ANO4: variants seen among roughly 807,000 people sequenced by gnomAD.
The protein encoded by ANO4 is anoctamin-4.
Under a neutral mutation model 141.9 loss-of-function variants are expected in ANO4, and 69 were observed. That is an observed-to-expected ratio of 0.49 (90% CI 0.40 to 0.59). ANO4 has a LOEUF of 0.59. ANO4 is among the 20% of genes least tolerant of loss of function. The probability of loss-of-function intolerance (pLI) is 0.00; values close to 1 mark genes in which losing one functional copy is unlikely to be tolerated. For missense variants in ANO4, 894 were observed against 1,162.2 expected (o/e 0.77, Z 3.36); for synonymous variants, 350 against 394.3 (o/e 0.89, Z 1.33).
chr12:100,801,254 T>C (rs928670042), intron 1 of ANO4, among the ~76,000 whole-genome samples: 7 of 152,186 alleles, frequency 4.6e-5, no homozygotes, highest in Admixed American at 4.6e-4. Flanking sequence ...ATCTAAAACC[T>C]ATGGTGCTGT....
At position 101,086,726 on chromosome 12, in the gene ANO4, G is replaced by A. The variant is rs150353677; in HGVS notation, c.1603G>A (p.Ala535Thr). ...IYRVVTVSTF[A>T]AFKWALIRNN... Reference sequence around the variant, plus strand: ...CCGGGTGGTGACTGTCAGCACTTTCGCTGCCTTTAAGTGGGCGTTAATCAG... The same window carrying A: ...CCGGGTGGTGACTGTCAGCACTTTCACTGCCTTTAAGTGGGCGTTAATCAG... Residue 535 changes from alanine (A) to threonine (T), a missense_variant, in exon 17 of 28, where the codon GCT becomes ACT. Coordinates refer to ENST00000392977, the MANE Select transcript of ANO4 (RefSeq NM_001286615.2). The A allele has an allele frequency of 2.6e-4, 424 of 1,613,806 alleles. 1 individual carries two copies. The highest frequency in any genetic ancestry group is 3.2e-4 in the Non-Finnish European group (377 of 1,179,804).
chr12:101,008,209 TTAAAA>T (rs1397204722), intron 8 of ANO4, among the ~76,000 whole-genome samples: 5 of 152,288 alleles, frequency 3.3e-5, no homozygotes, highest in Admixed American at 2.0e-4. Context: ...ATAAATTAAA[TTAAAA>T]TTAGACATGT....
intron 5 of ANO4, among the ~76,000 whole-genome samples, chr12:100,951,351 A>G (rs1444650803): frequency 6.6e-6 from 1 of 152,214 alleles, no homozygotes; most frequent in East Asian, 1.9e-4. Context: ...CCAAAGGAAT[A>G]TAAGTCATTC....
chr12:101,110,556 G>A lies in ANO4; in HGVS notation c.2302G>A (p.Gly768Arg). 1 of 1,564,930 alleles carries A rather than the reference G, an allele frequency of 6.4e-7. No individual in the cohort carries two copies. The highest frequency in any genetic ancestry group is 8.6e-7 in the Non-Finnish European group (1 of 1,158,356). ...TTTAGCTTCAAGGGCCAAAGACATA[G>A]GTAAGTTGGATTTGGGTATGTTTTT... The part of the protein sequence containing the change: ...RPLASRAKDI[G>R]IWYGILEGIG... The change falls in exon 23 of 28, where the codon GGA (glycine) becomes AGA (arginine). Residue 768 changes from glycine (G) to arginine (R), a missense_variant and splice_region_variant. By Grantham distance (125) the Gly-to-Arg change is moderately radical. Transcript: ENST00000392977.
At chr12:100,842,735 A>C (rs1244397759) in intron 1 of ANO4, among the ~76,000 whole-genome samples, 1 of 151,992 alleles carries the variant, frequency 6.6e-6, no homozygotes, top group Non-Finnish European at 1.5e-5. Context: ...TTTTGTCCTT[A>C]CATGGTAGAA....
intron 1 of ANO4, among the ~76,000 whole-genome samples, chr12:100,836,479 T>C (rs1430281893): frequency 1.3e-5 from 2 of 150,776 alleles, no homozygotes; most frequent in Non-Finnish European, 3.0e-5. Context: ...CTCCTAATGC[T>C]ATCCCTCCCC....
chr12:100,983,960 G>C (rs2044596399), intron 7 of ANO4, among the ~76,000 whole-genome samples: 2 of 152,190 alleles, frequency 1.3e-5, no homozygotes, highest in Admixed American at 6.5e-5. Context: ...TTTAGTCGTA[G>C]TGAAGTGCAC....
intron 3 of ANO4, among the ~76,000 whole-genome samples, chr12:100,775,304 A>G (rs2033462376): frequency 6.6e-6 from 1 of 152,242 alleles, no homozygotes; most frequent in Non-Finnish European, 1.5e-5. Context: ...AATGACATAT[A>G]GAGCATAGAC....
At chr12:101,046,813 T>C (rs1383810170) in intron 13 of ANO4, among the ~76,000 whole-genome samples, 2 of 152,368 alleles carry the variant, frequency 1.3e-5, no homozygotes, top group Non-Finnish European at 2.9e-5. Flanking sequence ...TTGAGCCATG[T>C]GTCCCTTGGG....
chr12:100,798,522 G>T (rs1047096310), intron 1 of ANO4, among the ~76,000 whole-genome samples: 4 of 152,116 alleles, frequency 2.6e-5, no homozygotes, highest in Non-Finnish European at 5.9e-5. Context: ...CTGTATTTTT[G>T]ATCTGTGCCT....
Position 101,037,081 on chromosome 12 carries a change from A to T in ANO4, c.842-14A>T, listed in dbSNP as rs2047228469. ...ACTCTGTATTAATTCAAATGGACTTATTTGCTGTTTTAGGTCTGAATCGTT... is the reference window on the plus strand; with the variant it reads ...ACTCTGTATTAATTCAAATGGACTTTTTTGCTGTTTTAGGTCTGAATCGTT... On this transcript the variant is annotated splice_polypyrimidine_tract_variant and intron_variant, in intron 9 of 27. Transcript: ENST00000392977. The T allele has an allele frequency of 1.2e-6, 2 of 1,612,972 alleles. No individual in the cohort carries two copies.
chr12:100,972,823 A>T (rs556846258), intron 6 of ANO4, among the ~76,000 whole-genome samples: 2 of 152,228 alleles, frequency 1.3e-5, no homozygotes, highest in African/African-American at 4.8e-5. Context: ...CTTCTGCCAG[A>T]ACACACTTCT....
chr12:100,787,261 T>TTGGG (rs1186273181), intron 3 of ANO4, among the ~76,000 whole-genome samples: 11 of 152,096 alleles, frequency 7.2e-5, no homozygotes. Flanking sequence ...AGAAAGATGC[T>TTGGG]TGGGTGGTCC....
chr12:100,917,471 A>G (rs777648293), intron 2 of ANO4, among the ~76,000 whole-genome samples: 23 of 152,348 alleles, frequency 1.5e-4, no homozygotes, highest in Middle Eastern at 6.8e-3. Flanking sequence ...AAAAAGCTAT[A>G]TGAATAACAA....
chr12:100,882,551 T>A (rs1221269664), intron 1 of ANO4, among the ~76,000 whole-genome samples: 1 of 152,178 alleles, frequency 6.6e-6, no homozygotes, highest in East Asian at 1.9e-4. Context: ...TTTTTAACGA[T>A]GATATCTCAG....
At chr12:100,766,159 T>C (rs1297018327) in intron 3 of ANO4, among the ~76,000 whole-genome samples, 1 of 152,198 alleles carries the variant, frequency 6.6e-6, no homozygotes, top group African/African-American at 2.4e-5. Context: ...CCTAGCATTC[T>C]GTCCTCCAGG....
At chr12:100,889,315 A>T (rs1344421791) in intron 1 of ANO4, among the ~76,000 whole-genome samples, 4 of 152,058 alleles carry the variant, frequency 2.6e-5, no homozygotes, top group Non-Finnish European at 5.9e-5. Flanking sequence ...AGTCTTTGCT[A>T]TTGTGAATAG....
chr12:101,088,499 A>G (rs897175652), intron 17 of ANO4, among the ~76,000 whole-genome samples: 3 of 152,118 alleles, frequency 2.0e-5, no homozygotes, highest in African/African-American at 7.2e-5. Flanking sequence ...CCATAAGGGC[A>G]GAAGCTTTTC....
At chr12:100,782,689 C>A (rs756940253) in intron 3 of ANO4, among the ~76,000 whole-genome samples, 3 of 152,140 alleles carry the variant, frequency 2.0e-5, no homozygotes, top group Non-Finnish European at 4.4e-5. Context: ...ATAATAATAC[C>A]TTACTTGTAA....
Sources: allele counts gnomAD v4.1 joint callset (sites outside exome capture counted in the v4.1 genomes callset), GRCh38; gene constraint gnomAD v4.1.1; transcripts MANE v1.5; gene names NCBI Gene and HGNC (gene_info 2026-07-23, HGNC 2026-07-21).